Variants in CSMD2 observed in about 807,000 individuals in gnomAD.
CSMD2 encodes CUB and sushi domain-containing protein 2.
A neutral mutation model predicts 398.5 loss-of-function variants in CSMD2; 130 were observed. That is an observed-to-expected ratio of 0.33 (90% CI 0.28 to 0.38). The LOEUF (loss-of-function observed/expected upper bound fraction) is 0.38, where lower values mean the gene tolerates loss of function less well. Ranked by LOEUF, CSMD2 falls within the 10% of genes least tolerant of loss-of-function variation. The pLI, the probability that CSMD2 is intolerant of heterozygous loss-of-function variation, is 1.00. For missense variants in CSMD2, 3,829 were observed against 4,764.9 expected (o/e 0.80, Z 5.78); for synonymous variants, 1,828 against 1,908.5 (o/e 0.96, Z 1.10).
chr1:33,604,876 A>G (rs1640483322), intron 42 of CSMD2, among the ~76,000 whole-genome samples: 1 of 152,090 alleles, frequency 6.6e-6, no homozygotes, highest in Non-Finnish European at 1.5e-5. Flanking sequence ...AGTTCTTATA[A>G]AGAGGCTTCA....
At chr1:33,864,435 A>G (rs765467672) in intron 5 of CSMD2, 1 of 1,614,148 alleles carries the variant, frequency 6.2e-7, no homozygotes, top group Non-Finnish European at 8.5e-7. Context: ...TGTTGGCAAG[A>G]GGAAGAAACG....
rs780184630 is a variant in CSMD2 at position 33,633,813 on chromosome 1, T to C, written c.5087-278A>G. ...AAAGGTCAGGCGGGTAGAGGCGAAA[T>C]GGAGCCAACTTTGTTCCTTTCCCAG... On this transcript the variant is annotated intron_variant, in intron 31 of 70. Coordinates refer to ENST00000373381, the MANE Select transcript of CSMD2 (RefSeq NM_001281956.2). The surrounding 1 kb of genome is among the most constrained non-coding windows in gnomAD (Gnocchi z 5.0). Among the ~76,000 whole-genome samples, 3 of 152,102 alleles carry C rather than the reference T, an allele frequency of 2.0e-5. No homozygotes were observed. Among genetic ancestry groups the C allele is most frequent in the Non-Finnish European group, 4.4e-5 (3 of 68,000 alleles).
chr1:33,967,422 G>A (rs1196160541), intron 3 of CSMD2, among the ~76,000 whole-genome samples: 2 of 151,766 alleles, frequency 1.3e-5, no homozygotes, highest in Non-Finnish European at 2.9e-5. Flanking sequence ...CTGTTTAATC[G>A]CCCAGCACAC....
intron 48 of CSMD2, among the ~76,000 whole-genome samples, chr1:33,578,746 G>T (rs1638474405): frequency 6.6e-6 from 1 of 152,160 alleles, no homozygotes; most frequent in Admixed American, 6.5e-5. Context: ...TCCCTGGTGG[G>T]GTCTTCCAGG....
intron 3 of CSMD2, among the ~76,000 whole-genome samples, chr1:34,017,531 A>G (rs1197857043): frequency 6.6e-6 from 1 of 152,202 alleles, no homozygotes; most frequent in Non-Finnish European, 1.5e-5. Context: ...CTGAGATGGA[A>G]GGATCATTTG....
intron 25 of CSMD2, among the ~76,000 whole-genome samples, chr1:33,672,935 G>C (rs890262424): frequency 5.9e-5 from 9 of 152,242 alleles, no homozygotes; most frequent in Middle Eastern, 3.4e-3. Flanking sequence ...CAAACAGAAA[G>C]GACATCCACA....
At chr1:33,944,895 T>C (rs1644794337) in intron 3 of CSMD2, among the ~76,000 whole-genome samples, 1 of 152,138 alleles carries the variant, frequency 6.6e-6, no homozygotes, top group Non-Finnish European at 1.5e-5. Context: ...CCTTGTTTGT[T>C]TCACTGCTTC....
At chr1:33,967,267 T>TA (rs11397947) in intron 3 of CSMD2, among the ~76,000 whole-genome samples, 7,704 of 143,492 alleles carry the variant, frequency 0.054, 296 homozygotes, top group East Asian at 0.2. Context: ...CTTTTTTTTT[T>TA]AAAGCGGGGG....
intron 3 of CSMD2, among the ~76,000 whole-genome samples, chr1:34,010,083 T>G (rs1647196674): frequency 6.6e-6 from 1 of 152,236 alleles, no homozygotes; most frequent in Non-Finnish European, 1.5e-5. Flanking sequence ...AGATCCTTAA[T>G]ATTCATACAG....
intron 20 of CSMD2, 150 bp downstream of exon 20, chr1:33,716,136 A>T: frequency 1.5e-6 from 1 of 649,784 alleles, no homozygotes; most frequent in African/African-American, 1.8e-5. Context: ...GTCTAACCCA[A>T]GCATCTTTTG....
chr1:33,625,012 G>A (rs1557640480), intron 34 of CSMD2, 39 bp downstream of exon 34: 1 of 1,594,096 alleles, frequency 6.3e-7, no homozygotes, highest in East Asian at 2.2e-5. Flanking sequence ...ACTACGTGCC[G>A]CCCCCCGCAC....
chr1:33,550,123 T>C (rs559266512), intron 56 of CSMD2, 54 bp downstream of exon 56: 1 of 1,563,338 alleles, frequency 6.4e-7, no homozygotes, highest in Non-Finnish European at 8.8e-7. Context: ...CTCGTCTACC[T>C]CCCATCAGTC....
chr1:34,022,532 TAGA>T (rs1427054864), intron 3 of CSMD2, among the ~76,000 whole-genome samples: 1 of 152,048 alleles, frequency 6.6e-6, no homozygotes, highest in Non-Finnish European at 1.5e-5. Context: ...ATGCACATGA[TAGA>T]AGGAGAAGTG....
chr1:33,972,285 C>T (rs1439831108), intron 3 of CSMD2, among the ~76,000 whole-genome samples: 1 of 152,164 alleles, frequency 6.6e-6, no homozygotes, highest in African/African-American at 2.4e-5. Flanking sequence ...TGGCTGGTGC[C>T]ATTAGAGTTC....
chr1:33,865,232 A>G (rs1463412504), intron 5 of CSMD2, among the ~76,000 whole-genome samples: 1 of 151,680 alleles, frequency 6.6e-6, no homozygotes, highest in East Asian at 2.0e-4. Flanking sequence ...TAGAAGGCCT[A>G]GAGTTCAAGC....
At chr1:33,955,251 C>A (rs35521053) in intron 3 of CSMD2, among the ~76,000 whole-genome samples, 28,392 of 152,100 alleles carry the variant, frequency 0.19, 3,344 homozygotes, top group Middle Eastern at 0.31. Context: ...TTTTCCCCCA[C>A]GAGGCGCCGC....
At chr1:33,836,756 T>G (rs915068395) in intron 6 of CSMD2, among the ~76,000 whole-genome samples, 2 of 152,170 alleles carry the variant, frequency 1.3e-5, no homozygotes, top group African/African-American at 4.8e-5. Flanking sequence ...CCAGGTGCCG[T>G]GCATCACCCC....
chr1:33,598,228 C>T (rs923145428), intron 44 of CSMD2, among the ~76,000 whole-genome samples: 2 of 152,214 alleles, frequency 1.3e-5, no homozygotes, highest in Admixed American at 1.3e-4. Context: ...ACTGCACATA[C>T]ATGTTACATA....
At chr1:33,950,365 T>C (rs1644965251) in intron 3 of CSMD2, among the ~76,000 whole-genome samples, 1 of 146,718 alleles carries the variant, frequency 6.8e-6, no homozygotes, top group African/African-American at 2.6e-5. Context: ...ACAATGGCTC[T>C]CCTTATTTCT....
Sources: gnomAD v4.1 joint callset for allele counts (sites outside exome capture counted in the v4.1 genomes callset) on GRCh38, gnomAD v4.1.1 for gene constraint, Gnocchi (gnomAD v3.1) non-coding constraint, MANE v1.5 for transcripts, NCBI Gene and HGNC (gene_info 2026-07-23, HGNC 2026-07-21) for gene names.